The following FGFR1OP2 variants were observed in gnomAD, a reference collection of about 807,000 sequenced individuals.
The protein encoded by FGFR1OP2 is fibroblast growth factor receptor 1 oncogene partner 2.
FGFR1OP2 carries 17 observed loss-of-function variants against 35.2 expected under a neutral mutation model. The observed-to-expected ratio is 0.48, with a 90% CI of 0.33 to 0.73. FGFR1OP2 has a LOEUF of 0.73. Among genes scored for constraint, FGFR1OP2 ranks in the 30% least tolerant of loss-of-function variants. The pLI, the probability that FGFR1OP2 is intolerant of heterozygous loss-of-function variation, is 0.02. For missense variants in FGFR1OP2, 251 were observed against 307.3 expected (o/e 0.82, Z 1.37); for synonymous variants, 105 against 104.6 (o/e 1.00, Z -0.03).
chr12:26,941,959 T>G (rs1471032094), intron 1 of FGFR1OP2, among the ~76,000 whole-genome samples: 1 of 152,196 alleles, frequency 6.6e-6, no homozygotes, highest in Non-Finnish European at 1.5e-5. Flanking sequence ...GACACTAGAC[T>G]GGGGATCAGA....
At chr12:26,944,595 G>T (rs1325682943) in intron 1 of FGFR1OP2, among the ~76,000 whole-genome samples, 1 of 152,154 alleles carries the variant, frequency 6.6e-6, no homozygotes, top group Non-Finnish European at 1.5e-5. Flanking sequence ...CTCTCATTAT[G>T]AGTTGCTGAA....
In FGFR1OP2 at chr12:26,956,548, G is replaced by A. The variant is rs1939022768; in HGVS notation, c.141G>A (p.Gln47=). The A allele has an allele frequency of 6.5e-7, 1 of 1,540,296 alleles. No individual in the cohort carries two copies. The highest frequency in any genetic ancestry group is 1.2e-5 in the South Asian group (1 of 81,448). ...NKRVEAMKQY[Q]EEIQELNEVA... is the part of the protein sequence containing the mutation. ...ATGTTTTTCTCCCCCATTAGTATCA[G>A]GAAGAAATTCAAGAACTTAATGAAG... The change falls in exon 3 of 7, where the codon CAG becomes CAA. Residue 47 remains glutamine (Q), a synonymous_variant. Coordinates refer to ENST00000229395, the MANE Select transcript of FGFR1OP2 (RefSeq NM_015633.3).
chr12:26,939,518 A>T (rs1938677644), intron 1 of FGFR1OP2, among the ~76,000 whole-genome samples: 1 of 152,192 alleles, frequency 6.6e-6, no homozygotes, highest in African/African-American at 2.4e-5. Flanking sequence ...CAAACATGCC[A>T]TGCGCTTTGA....
intron 1 of FGFR1OP2, among the ~76,000 whole-genome samples, chr12:26,945,772 A>G (rs1374427563): frequency 6.6e-6 from 1 of 151,974 alleles, no homozygotes; most frequent in Non-Finnish European, 1.5e-5. Context: ...GAGGCAGGAG[A>G]ACCGCTTGAA....
chr12:26,947,506 C>T (rs1301675824), intron 1 of FGFR1OP2, among the ~76,000 whole-genome samples: 2 of 152,074 alleles, frequency 1.3e-5, no homozygotes, highest in African/African-American at 4.8e-5. Flanking sequence ...CTCACCGTTC[C>T]GAGTAGCTGG....
chr12:26,964,956 A>G lies in FGFR1OP2; in HGVS notation c.*223A>G, dbSNP rs1243184307. 1 of 431,302 alleles carries G rather than the reference A, an allele frequency of 2.3e-6. No homozygotes were observed. The highest frequency in any genetic ancestry group is 4.1e-6 in the Non-Finnish European group (1 of 245,300). 26.7% of individuals were successfully genotyped at this position (431,302 alleles called of 1,614,324 possible). On this transcript the variant is annotated 3_prime_UTR_variant, in exon 7 of 7. Coordinates refer to ENST00000229395, the MANE Select transcript of FGFR1OP2 (RefSeq NM_015633.3). ...GCCATTGCCAAATGGTAAAGAAATG[A>G]AAAGTTTTCACAGTGACTACTGAAT...
At chr12:26,947,820 A>C (rs1022577900) in intron 1 of FGFR1OP2, among the ~76,000 whole-genome samples, 1 of 152,190 alleles carries the variant, frequency 6.6e-6, no homozygotes, top group Admixed American at 6.5e-5. Context: ...ATTTATATTT[A>C]GTGAAATTAT....
At chr12:26,962,029 A>G (rs1939111955) in intron 5 of FGFR1OP2, 2 of 152,206 alleles carry the variant, frequency 1.3e-5, no homozygotes, top group Admixed American at 1.3e-4. Flanking sequence ...TTCTGAAATG[A>G]TTGGAATGTT....
At chr12:26,964,409 C>T (rs191251709) in intron 6 of FGFR1OP2, among the ~76,000 whole-genome samples, 187 bp from the exon 7 acceptor site, 13 of 152,212 alleles carry the variant, frequency 8.5e-5, no homozygotes, top group Non-Finnish European at 2.9e-5. Flanking sequence ...GAACACGATT[C>T]CTAGCTGCAT....
intron 1 of FGFR1OP2, among the ~76,000 whole-genome samples, chr12:26,950,213 GTT>G (rs1174799685): frequency 1.2e-4 from 6 of 50,942 alleles, no homozygotes; most frequent in East Asian, 6.7e-4. Context: ...TGTATTCGTT[GTT>G]TTTTTTTTTT....
chr12:26,957,282 A>G (rs551267519), intron 3 of FGFR1OP2, among the ~76,000 whole-genome samples: 9 of 151,980 alleles, frequency 5.9e-5, no homozygotes, highest in Admixed American at 5.2e-4. Flanking sequence ...TTGACTTAAC[A>G]CTCCACTCTG....
intron 2 of FGFR1OP2, among the ~76,000 whole-genome samples, chr12:26,956,201 C>T (rs1171717179): frequency 1.3e-5 from 2 of 152,088 alleles, no homozygotes; most frequent in East Asian, 3.8e-4. Flanking sequence ...TCCTCTCCAA[C>T]AATTGTTATT....
chr12:26,963,536 A>G lies in FGFR1OP2; in HGVS notation c.624+81A>G, dbSNP rs1939133682. 3 of 882,236 alleles carry G rather than the reference A, an allele frequency of 3.4e-6. No homozygotes were observed. In the South Asian group the frequency reaches 5.5e-5, roughly 16 times the overall value. 54.7% of individuals were successfully genotyped at this position (882,236 alleles called of 1,614,324 possible). ...GAAAATATATCCCATTTTTAAATAT[A>G]TATTTACTCTTCTTGGGTACTGGTA... On this transcript the variant is annotated intron_variant, in intron 6 of 6. Coordinates refer to ENST00000229395, the MANE Select transcript of FGFR1OP2 (RefSeq NM_015633.3).
chr12:26,945,865 A>G (rs1208025514), intron 1 of FGFR1OP2, among the ~76,000 whole-genome samples: 5 of 151,780 alleles, frequency 3.3e-5, no homozygotes, highest in Non-Finnish European at 2.9e-5. Context: ...CCGTCTCAAA[A>G]AAAAAAAAAA....
chr12:26,954,358 G>T, intron 2 of FGFR1OP2, 65 bp downstream of exon 2: 1 of 1,495,126 alleles, frequency 6.7e-7, no homozygotes, highest in Admixed American at 2.3e-5. Context: ...ATGTATTGCT[G>T]GCTAATTAGT....
intron 1 of FGFR1OP2, among the ~76,000 whole-genome samples, chr12:26,950,330 C>T (rs967630792): frequency 6.8e-6 from 1 of 146,174 alleles, no homozygotes; most frequent in Non-Finnish European, 1.5e-5. Context: ...TCACGCTATT[C>T]TCCTGCCTCA....
chr12:26,943,060 A>C (rs1263928044), intron 1 of FGFR1OP2, among the ~76,000 whole-genome samples: 8 of 152,058 alleles, frequency 5.3e-5, no homozygotes, highest in Non-Finnish European at 1.2e-4. Context: ...TTTTTTCCTG[A>C]AAGTGTTATT....
chr12:26,947,620 A>G (rs1467961777), intron 1 of FGFR1OP2, among the ~76,000 whole-genome samples: 2 of 152,072 alleles, frequency 1.3e-5, no homozygotes, highest in Non-Finnish European at 2.9e-5. Context: ...GGGCTCAAGC[A>G]ATCCTCCGAT....
At chr12:26,961,292 C>T (rs1939102288) in intron 5 of FGFR1OP2, 1 of 152,164 alleles carries the variant, frequency 6.6e-6, no homozygotes, top group Non-Finnish European at 1.5e-5. Context: ...ATCTGTGATA[C>T]TTCTCTGAAG....
Sources: allele counts gnomAD v4.1 joint callset (sites outside exome capture counted in the v4.1 genomes callset), GRCh38; gene constraint gnomAD v4.1.1; transcripts MANE v1.5; gene names NCBI Gene and HGNC (gene_info 2026-07-23, HGNC 2026-07-21).